ERBB4: variants seen among roughly 807,000 people sequenced by gnomAD.
ERBB4 encodes the protein receptor tyrosine-protein kinase erbB-4.
A neutral mutation model predicts 158.0 loss-of-function variants in ERBB4; 42 were observed. The observed-to-expected ratio is 0.27, with a 90% CI of 0.21 to 0.34. The LOEUF (loss-of-function observed/expected upper bound fraction) is 0.34, where lower values mean the gene tolerates loss of function less well. ERBB4 is among the 10% of genes least tolerant of loss of function. ERBB4 has a pLI of 1.00. For missense variants in ERBB4, 1,333 were observed against 1,624.1 expected (o/e 0.82, Z 3.08); for synonymous variants, 583 against 558.7 (o/e 1.04, Z -0.61).
At chr2:211,541,480 G>A (rs1474552978) in intron 20 of ERBB4, among the ~76,000 whole-genome samples, 1 of 151,900 alleles carries the variant, frequency 6.6e-6, no homozygotes, top group Non-Finnish European at 1.5e-5. Flanking sequence ...AAGACAGTGT[G>A]CCCATGAATA....
chr2:212,291,484 C>T (rs2086204384), intron 1 of ERBB4, among the ~76,000 whole-genome samples: 1 of 151,966 alleles, frequency 6.6e-6, no homozygotes, highest in African/African-American at 2.4e-5. Context: ...CTAAATTAGA[C>T]CCATTTGTGC....
chr2:211,978,416 A>G (rs1334554088), intron 2 of ERBB4, among the ~76,000 whole-genome samples: 6 of 151,594 alleles, frequency 4.0e-5, no homozygotes, highest in East Asian at 1.9e-4. Flanking sequence ...CTATCTATCT[A>G]TCTATCTATC....
Position 211,630,323 on chromosome 2 carries a change from T to C in ERBB4, c.2079+139A>G, listed in dbSNP as rs968708785. The C allele has an allele frequency of 3.7e-5, 36 of 973,776 alleles. No individual in the cohort carries two copies. The Admixed American group carries it at 7.3e-4, about 20-fold the overall frequency. The allele number at this position is 973,776 out of a possible 1,614,324, so 60.3% of individuals were successfully genotyped here. A position where few individuals can be genotyped will look rare whatever the true frequency, so the allele number is the denominator to read the frequency against. ...ATAATCTGATTTTTCACAAGCTTTGTTTAACGGACTATAAAATAAAAAACT... is the reference window on the plus strand; with the variant it reads ...ATAATCTGATTTTTCACAAGCTTTGCTTAACGGACTATAAAATAAAAAACT... On this transcript the variant is annotated intron_variant, in intron 17 of 27. Transcript: ENST00000342788.
chr2:211,883,422 T>A (rs1346246639), intron 3 of ERBB4, among the ~76,000 whole-genome samples: 1 of 152,042 alleles, frequency 6.6e-6, no homozygotes, highest in Non-Finnish European at 1.5e-5. Flanking sequence ...GTTGTGCACA[T>A]GTACCCTAAA....
intron 20 of ERBB4, among the ~76,000 whole-genome samples, chr2:211,511,411 CA>C (rs2065882664): frequency 6.6e-6 from 1 of 151,768 alleles, no homozygotes; most frequent in Non-Finnish European, 1.5e-5. Context: ...ATATATTACA[CA>C]AAAGCAACAC....
chr2:212,223,432 TTTTA>T (rs1559783010), intron 1 of ERBB4, among the ~76,000 whole-genome samples: 4 of 146,932 alleles, frequency 2.7e-5, no homozygotes, highest in Non-Finnish European at 3.0e-5. Flanking sequence ...TATATATTTT[TTTTA>T]TTTATATACA....
chr2:211,685,832 G>A (rs1004002327), intron 12 of ERBB4, among the ~76,000 whole-genome samples: 2 of 152,128 alleles, frequency 1.3e-5, no homozygotes, highest in Non-Finnish European at 2.9e-5. Context: ...TACAAGTCCT[G>A]TATATGTTTT....
intron 20 of ERBB4, among the ~76,000 whole-genome samples, chr2:211,538,425 T>C (rs2066712310): frequency 6.6e-6 from 1 of 151,810 alleles, no homozygotes; most frequent in African/African-American, 2.4e-5. Flanking sequence ...ATATTTTGGA[T>C]GACAATTTTA....
At chr2:211,423,397 C>T (rs997659082) in intron 23 of ERBB4, among the ~76,000 whole-genome samples, 6 of 151,882 alleles carry the variant, frequency 4.0e-5, no homozygotes, top group African/African-American at 9.7e-5. Flanking sequence ...TTGCTAACCC[C>T]GTGTAAATCA....
At chr2:211,866,323 A>G (rs956190946) in intron 3 of ERBB4, among the ~76,000 whole-genome samples, 2 of 152,120 alleles carry the variant, frequency 1.3e-5, no homozygotes, top group Non-Finnish European at 1.5e-5. Context: ...CTTATGTCCT[A>G]TCACTCTTTC....
At chr2:211,423,857 T>C (rs1348991228) in intron 23 of ERBB4, among the ~76,000 whole-genome samples, 1 of 152,004 alleles carries the variant, frequency 6.6e-6, no homozygotes, top group Non-Finnish European at 1.5e-5. Context: ...TTACTAACAT[T>C]CATGTTAGTA....
chr2:211,925,162 G>C (rs1209204246), intron 3 of ERBB4, among the ~76,000 whole-genome samples: 1 of 152,128 alleles, frequency 6.6e-6, no homozygotes, highest in Non-Finnish European at 1.5e-5. Flanking sequence ...ACACCAGCTA[G>C]TAACAGCCAT....
intron 3 of ERBB4, among the ~76,000 whole-genome samples, chr2:211,819,929 C>A (rs2105938566): frequency 6.6e-6 from 1 of 151,926 alleles, no homozygotes; most frequent in East Asian, 1.9e-4. Flanking sequence ...AAGTTCCATG[C>A]ATCACACTTA....
intron 1 of ERBB4, among the ~76,000 whole-genome samples, chr2:212,191,599 GTGTTATGCCTGTTATA>G (rs2082209142): frequency 7.1e-6 from 1 of 140,128 alleles, no homozygotes; most frequent in Non-Finnish European, 1.5e-5. Flanking sequence ...TATAACACAT[GTGTTATGCCTGTTATA>G]TATAACACAT....
At chr2:212,309,511 A>G (rs919167396) in intron 1 of ERBB4, among the ~76,000 whole-genome samples, 1 of 150,870 alleles carries the variant, frequency 6.6e-6, no homozygotes, top group Non-Finnish European at 1.5e-5. Flanking sequence ...GACTAGAATG[A>G]GATGTTTATA....
chr2:212,263,080 A>G (rs1205358965), intron 1 of ERBB4, among the ~76,000 whole-genome samples: 2 of 152,156 alleles, frequency 1.3e-5, no homozygotes, highest in Non-Finnish European at 2.9e-5. Context: ...GAAAGAAAAA[A>G]GGAGAAGATA....
At chr2:212,215,364 A>G (rs1339255800) in intron 1 of ERBB4, among the ~76,000 whole-genome samples, 1 of 151,554 alleles carries the variant, frequency 6.6e-6, no homozygotes, top group Non-Finnish European at 1.5e-5. Context: ...AAGTGACAAA[A>G]GCTGAAAAGT....
At chr2:211,831,839 G>T (rs1439793260) in intron 3 of ERBB4, among the ~76,000 whole-genome samples, 1 of 151,988 alleles carries the variant, frequency 6.6e-6, no homozygotes, top group African/African-American at 2.4e-5. Flanking sequence ...GGAGGCAGAG[G>T]TTGCAGTGAG....
At chr2:212,216,120 A>C (rs545362696) in intron 1 of ERBB4, among the ~76,000 whole-genome samples, 17 of 151,490 alleles carry the variant, frequency 1.1e-4, no homozygotes, top group Admixed American at 1.1e-3. Context: ...GAAGAATGTT[A>C]TAGTTGTATC....
Sources: allele counts gnomAD v4.1 joint callset (sites outside exome capture counted in the v4.1 genomes callset), GRCh38; gene constraint gnomAD v4.1.1; transcripts MANE v1.5; gene names NCBI Gene and HGNC (gene_info 2026-07-23, HGNC 2026-07-21).